CFAP54: variants seen among roughly 807,000 people sequenced by gnomAD.
CFAP54 encodes cilia and flagella associated protein 54.
CFAP54 carries 290 observed loss-of-function variants against 370.4 expected under a neutral mutation model. The ratio of observed to expected loss-of-function variants is 0.78; its 90% CI spans 0.71 to 0.86. The LOEUF (loss-of-function observed/expected upper bound fraction) is 0.86. Among genes scored for constraint, CFAP54 ranks in the 40% least tolerant of loss-of-function variants. The pLI is 0.00. For missense variants in CFAP54, 3,399 were observed against 3,528.7 expected, an observed-to-expected ratio of 0.96 and a Z score of 0.93; for synonymous variants, 1,206 against 1,236.5, an observed-to-expected ratio of 0.98 and a Z score of 0.52.
rs191877914 is a variant in CFAP54, at chr12:96,741,609, T to C, written c.7072-830T>C. 3.5e-3 allele frequency among the ~76,000 whole-genome samples: 540 copies of C among 152,312 alleles called. 3 individuals are homozygous for C. Among genetic ancestry groups the C allele is most frequent in the Non-Finnish European group, 5.3e-3 (359 of 68,030 alleles). On this transcript the variant is annotated intron_variant, in intron 51 of 67. Coordinates refer to ENST00000524981, the MANE Select transcript of CFAP54 (RefSeq NM_001306084.2). Reference sequence around the variant, plus strand: ...GTTGGACATGAGGAGCTGTCAGAGATGCATAGCAGGAAATACTTAGAACAA... The same window carrying C: ...GTTGGACATGAGGAGCTGTCAGAGACGCATAGCAGGAAATACTTAGAACAA...
chr12:96,503,494 C>A (rs1375515962), intron 2 of CFAP54, among the ~76,000 whole-genome samples: 2 of 130,314 alleles, frequency 1.5e-5, no homozygotes, highest in Non-Finnish European at 3.1e-5. Flanking sequence ...TTTTCTTTTT[C>A]GAGCCTATGA....
intron 26 of CFAP54, among the ~76,000 whole-genome samples, chr12:96,603,509 C>CT (rs1426260477): frequency 6.6e-6 from 1 of 152,168 alleles, no homozygotes. Flanking sequence ...GACTGCCTTG[C>CT]TAGGTTGGGG....
At chr12:96,606,892 G>A (rs1344742878) in intron 26 of CFAP54, among the ~76,000 whole-genome samples, 3 of 152,176 alleles carry the variant, frequency 2.0e-5, no homozygotes, top group Non-Finnish European at 4.4e-5. Context: ...CTCAAAGAAC[G>A]TCCATATCTG....
In CFAP54 at chr12:96,630,668, T is replaced by G. The variant is rs1481476887; in HGVS notation, c.4316+17T>G. On this transcript the variant is annotated intron_variant, in intron 32 of 67. Coordinates refer to ENST00000524981, the MANE Select transcript of CFAP54 (RefSeq NM_001306084.2). ...ACATGAAAGGTATTCACTAATTAAT[T>G]AATTCAATAAAAGTTTACTTGAGGG... 9 of 1,411,974 alleles carry G rather than the reference T, an allele frequency of 6.4e-6. No homozygotes were observed. Among genetic ancestry groups the G allele is most frequent in the Non-Finnish European group, 8.4e-6 (9 of 1,067,164 alleles). 87.5% of individuals were successfully genotyped at this position (1,411,974 alleles called of 1,614,324 possible).
intron 5 of CFAP54, among the ~76,000 whole-genome samples, chr12:96,516,542 A>G (rs1361713429): frequency 2.0e-5 from 3 of 152,244 alleles, no homozygotes; most frequent in African/African-American, 7.2e-5. Flanking sequence ...GGTCACCAGC[A>G]TAAGCTTAGG....
chr12:96,691,972 A>G (rs1183129155), intron 44 of CFAP54, among the ~76,000 whole-genome samples: 1 of 150,220 alleles, frequency 6.7e-6, no homozygotes, highest in African/African-American at 2.4e-5. Context: ...TTCTTTCCTT[A>G]TTTTTTCGCA....
intron 45 of CFAP54, among the ~76,000 whole-genome samples, chr12:96,698,887 C>T (rs912931087): frequency 4.6e-5 from 7 of 152,090 alleles, no homozygotes; most frequent in African/African-American, 1.2e-4. Flanking sequence ...CTCCACAGTG[C>T]GGGAGTGGGT....
At chr12:96,860,131 C>G (rs938624644) in intron 66 of CFAP54, among the ~76,000 whole-genome samples, 20 of 117,210 alleles carry the variant, frequency 1.7e-4, no homozygotes, top group Non-Finnish European at 2.6e-4. Context: ...AACTTGTTCT[C>G]TAATTTTTTT....
chr12:96,733,762 C>T (rs545298579), intron 50 of CFAP54, among the ~76,000 whole-genome samples: 91 of 152,058 alleles, frequency 6.0e-4, no homozygotes, highest in African/African-American at 2.0e-3. Context: ...TAAGCAGTAC[C>T]GAGTGGATTA....
At chr12:96,858,924 C>A (rs930318251) in intron 66 of CFAP54, among the ~76,000 whole-genome samples, 2 of 152,082 alleles carry the variant, frequency 1.3e-5, no homozygotes, top group African/African-American at 4.8e-5. Context: ...AATTATGGAA[C>A]CAAAAGACAG....
At chr12:96,614,058 A>C (rs928797422) in intron 26 of CFAP54, among the ~76,000 whole-genome samples, 4 of 152,150 alleles carry the variant, frequency 2.6e-5, no homozygotes, top group East Asian at 1.9e-4. Flanking sequence ...GAGACACAAC[A>C]AAAAAAGAGA....
At chr12:96,768,985 C>A (rs1958429002) in intron 60 of CFAP54, among the ~76,000 whole-genome samples, 1 of 152,042 alleles carries the variant, frequency 6.6e-6, no homozygotes, top group Admixed American at 6.5e-5. Flanking sequence ...GACCAGAGAG[C>A]AATTGTATGA....
chr12:96,761,730 C>T (rs1958341596), intron 58 of CFAP54, among the ~76,000 whole-genome samples: 1 of 152,052 alleles, frequency 6.6e-6, no homozygotes, highest in Admixed American at 6.6e-5. Flanking sequence ...GTCTCAGCAC[C>T]ATTTGTTGCA....
chr12:96,771,258 A>C (rs1958457117), intron 60 of CFAP54, among the ~76,000 whole-genome samples: 1 of 152,132 alleles, frequency 6.6e-6, no homozygotes, highest in African/African-American at 2.4e-5. Context: ...TAACTATATA[A>C]ATGGGGATTC....
intron 60 of CFAP54, among the ~76,000 whole-genome samples, chr12:96,767,211 A>T (rs1369332315): frequency 6.6e-6 from 1 of 152,238 alleles, no homozygotes; most frequent in Non-Finnish European, 1.5e-5. Flanking sequence ...AAACTATCGC[A>T]TATGACAAAT....
chr12:96,683,984 G>T (rs1957297993), intron 40 of CFAP54, among the ~76,000 whole-genome samples: 1 of 152,106 alleles, frequency 6.6e-6, no homozygotes, highest in Admixed American at 6.6e-5. Context: ...TAGAGACGGG[G>T]TTTCACCATG....
At position 96,718,433 on chromosome 12, in the gene CFAP54, G is replaced by A. The variant is rs1398793866; in HGVS notation, c.6725-10G>A. 1 of 1,375,600 alleles carries A rather than the reference G, an allele frequency of 7.3e-7. No homozygotes were observed. Among genetic ancestry groups the A allele is most frequent in the Non-Finnish European group, 1.0e-6 (1 of 968,770 alleles). The allele number at this position is 1,375,600 out of a possible 1,614,324, so 85.2% of individuals were successfully genotyped here. A position where few individuals can be genotyped will look rare whatever the true frequency, so the allele number is the denominator to read the frequency against. ...ATCCTTGGTCCTTCCAAAATTTTGT[G>A]TCTTTATAGAGATATATTCAAAGGA... On this transcript the variant is annotated splice_polypyrimidine_tract_variant and intron_variant, in intron 48 of 67. Transcript: ENST00000524981.
rs1362762602 is a variant in CFAP54, at chr12:96,724,382, A to G, written c.6965+3817A>G. On this transcript the variant is annotated intron_variant, in intron 50 of 67. Transcript: ENST00000524981. ...TGATTGCCATTCTAACTGGTGTGAGATGGTATCTCATTGTGGTTTTGATTT... is the reference window on the plus strand; with the variant it reads ...TGATTGCCATTCTAACTGGTGTGAGGTGGTATCTCATTGTGGTTTTGATTT... Among the ~76,000 whole-genome samples the G allele has an allele frequency of 4.6e-5, 7 of 151,960 alleles. No individual in the cohort carries two copies. In the South Asian group the frequency reaches 1.5e-3, roughly 32 times the overall value.
intron 66 of CFAP54, among the ~76,000 whole-genome samples, chr12:96,854,050 A>G (rs1422270893): frequency 6.6e-6 from 1 of 152,092 alleles, no homozygotes; most frequent in African/African-American, 2.4e-5. Flanking sequence ...AAAGTATTCC[A>G]CAATGAAAGC....
Sources: allele counts gnomAD v4.1 joint callset (sites outside exome capture counted in the v4.1 genomes callset), GRCh38; gene constraint gnomAD v4.1.1; transcripts MANE v1.5; gene names NCBI Gene and HGNC (gene_info 2026-07-23, HGNC 2026-07-21).